The following DOCK10 variants were observed in gnomAD, a reference collection of about 807,000 sequenced individuals.
The protein encoded by DOCK10 is dedicator of cytokinesis 10, also known as dedicator of cytokinesis protein 10.
A neutral mutation model predicts 280.1 loss-of-function variants in DOCK10; 145 were observed. That is an observed-to-expected ratio of 0.52 (90% CI 0.45 to 0.59). The LOEUF is 0.59. Ranked by LOEUF, DOCK10 falls within the 20% of genes least tolerant of loss-of-function variation. The probability of loss-of-function intolerance (pLI) is 0.00; values close to 1 mark genes in which losing one functional copy is unlikely to be tolerated. For missense variants in DOCK10, 2,368 were observed against 2,651.7 expected, an observed-to-expected ratio of 0.89 and a Z score of 2.35; for synonymous variants, 915 against 942.2, an observed-to-expected ratio of 0.97 and a Z score of 0.53.
At chr2:224,999,250 C>CTCT (rs1706358944) in intron 1 of DOCK10, among the ~76,000 whole-genome samples, 1 of 117,390 alleles carries the variant, frequency 8.5e-6, no homozygotes, top group African/African-American at 4.8e-5. Context: ...GTCTCTCTCT[C>CTCT]TTTTTTTTTT....
intron 11 of DOCK10, among the ~76,000 whole-genome samples, chr2:224,866,762 C>A (rs936333339): frequency 1.3e-5 from 2 of 152,040 alleles, no homozygotes; most frequent in African/African-American, 4.8e-5. Flanking sequence ...CTGTTTTACT[C>A]AATGGGTTTT....
intron 15 of DOCK10, among the ~76,000 whole-genome samples, chr2:224,856,492 C>T (rs564045651): frequency 2.0e-5 from 3 of 152,094 alleles, no homozygotes; most frequent in Non-Finnish European, 4.4e-5. Context: ...ATCCTCTGAC[C>T]CCAGCTGATC....
At chr2:225,001,779 C>T (rs992276275) in intron 1 of DOCK10, among the ~76,000 whole-genome samples, 9 of 152,186 alleles carry the variant, frequency 5.9e-5, no homozygotes, top group Non-Finnish European at 1.2e-4. Context: ...TCTGTGAGGG[C>T]CTGCCTCCTG....
intron 1 of DOCK10, among the ~76,000 whole-genome samples, chr2:225,018,540 TTATATATATATAATATATATGTAATATTA>T (rs1689682307): frequency 7.8e-4 from 5 of 6,438 alleles, no homozygotes; most frequent in African/African-American, 2.2e-3. Context: ...ATATGTAATA[TTATATATATATAATATATATGTAATATTA>T]TATATATATA....
intron 1 of DOCK10, among the ~76,000 whole-genome samples, chr2:225,035,542 T>TATTATATATA (rs1415059109): frequency 4.0e-5 from 2 of 50,016 alleles, no homozygotes; most frequent in African/African-American, 1.5e-4. Context: ...ATGATATATA[T>TATTATATATA]TATATATATA....
Position 224,874,297 on chromosome 2 carries a change from A to C in DOCK10, c.1070T>G (p.Leu357Arg). 1 of 1,613,492 alleles carries C rather than the reference A, an allele frequency of 6.2e-7. No individual in the cohort carries two copies. The highest frequency in any genetic ancestry group is 8.5e-7 in the Non-Finnish European group (1 of 1,179,676). The change falls in exon 10 of 56, where the codon CTA becomes CGA. Residue 357 changes from leucine (L) to arginine (R), a missense_variant. Physicochemically the swap from Leu to Arg is moderately radical, Grantham distance 102. Around this residue, in one of 2 missense-constraint regions of DOCK10, gnomAD observed 1,209 missense variants for 1,250.9 expected, o/e 0.97. Transcript: ENST00000258390. ...GTCTGGATCTAGAGAGAACAGATTT[A>C]GCCTCTCCATGTTTCGAGTTGTTTT... ...TVKTTRNMER[L>R]NLFSLDPDID...
At chr2:224,871,350 C>T (rs1438514782) in intron 11 of DOCK10, among the ~76,000 whole-genome samples, 2 of 151,932 alleles carry the variant, frequency 1.3e-5, no homozygotes, top group Admixed American at 6.6e-5. Flanking sequence ...ATATCCAATA[C>T]ATTAGGAAAG....
intron 1 of DOCK10, among the ~76,000 whole-genome samples, chr2:225,025,231 C>T (rs568255506): frequency 6.6e-5 from 10 of 152,186 alleles, no homozygotes; most frequent in African/African-American, 2.4e-4. Context: ...GTCCTGTAGG[C>T]AGGAGAAAGA....
chr2:224,789,204 T>C, intron 47 of DOCK10, 34 bp from the exon 48 acceptor site: 9 of 1,465,326 alleles, frequency 6.1e-6, no homozygotes, highest in Admixed American at 1.8e-5. Context: ...AACATTATTA[T>C]TTGAGACAAA....
intron 14 of DOCK10, chr2:224,861,672 T>A (rs990068749): frequency 6.6e-6 from 1 of 152,210 alleles, no homozygotes; most frequent in Non-Finnish European, 1.5e-5. Flanking sequence ...CTCTCTTCCT[T>A]CTGGATGCTA....
intron 1 of DOCK10, among the ~76,000 whole-genome samples, chr2:225,041,912 T>C (rs560194232): frequency 8.3e-4 from 126 of 152,272 alleles, no homozygotes; most frequent in Non-Finnish European, 1.7e-3. Flanking sequence ...CTGGCACTCG[T>C]ATCACTTAGC....
chr2:225,001,390 C>T lies in DOCK10; in HGVS notation c.123+40862G>A, dbSNP rs182354822. 5.2e-3 allele frequency among the ~76,000 whole-genome samples: 766 copies of T among 147,992 alleles called. 5 individuals carry two copies. The highest frequency in any genetic ancestry group is 0.019 in the African/African-American group (731 of 38,746). On this transcript the variant is annotated intron_variant, in intron 1 of 55. Transcript: ENST00000258390. Reference sequence around the variant, plus strand: ...CTGCAAGCTCCGCCTCCCGGGTTTACGCCATTCTCCTGCCTCAGCCTCCCA... The same window carrying T: ...CTGCAAGCTCCGCCTCCCGGGTTTATGCCATTCTCCTGCCTCAGCCTCCCA...
intron 1 of DOCK10, among the ~76,000 whole-genome samples, chr2:225,025,243 C>A (rs1437728498): frequency 6.6e-6 from 1 of 152,016 alleles, no homozygotes; most frequent in African/African-American, 2.4e-5. Flanking sequence ...GGAGAAAGAC[C>A]AAATTAAAGG....
At chr2:224,943,054 T>A (rs1340365042) in intron 1 of DOCK10, among the ~76,000 whole-genome samples, 1 of 151,954 alleles carries the variant, frequency 6.6e-6, no homozygotes, top group Non-Finnish European at 1.5e-5. Flanking sequence ...CTGAAGAATT[T>A]TAGTTAAAAA....
intron 7 of DOCK10, among the ~76,000 whole-genome samples, chr2:224,885,060 C>CA (rs1699197993): frequency 1.3e-5 from 2 of 152,162 alleles, no homozygotes; most frequent in Admixed American, 1.3e-4. Flanking sequence ...AGTGCAGTGG[C>CA]ACGATCTCGG....
chr2:224,920,317 G>C (rs911156801), intron 2 of DOCK10, among the ~76,000 whole-genome samples: 6 of 147,782 alleles, frequency 4.1e-5, no homozygotes, highest in African/African-American at 1.5e-4. Flanking sequence ...CAAGTGATCT[G>C]CCTGTCTCGG....
chr2:224,868,879 T>C (rs1698092196), intron 11 of DOCK10, among the ~76,000 whole-genome samples: 1 of 152,126 alleles, frequency 6.6e-6, no homozygotes. Flanking sequence ...CAAAACACAT[T>C]GAAGGTCAAA....
intron 1 of DOCK10, among the ~76,000 whole-genome samples, chr2:224,967,825 A>T (rs1559888720): frequency 6.6e-6 from 1 of 152,154 alleles, no homozygotes. Flanking sequence ...GTTTTAAAAA[A>T]ATGACCTCAA....
At chr2:224,954,125 G>A (rs1703915965) in intron 1 of DOCK10, among the ~76,000 whole-genome samples, 2 of 152,212 alleles carry the variant, frequency 1.3e-5, no homozygotes, top group Admixed American at 1.3e-4. Flanking sequence ...CAATAGGTTA[G>A]AAGGTGAAAA....
Sources: allele counts gnomAD v4.1 joint callset (sites outside exome capture counted in the v4.1 genomes callset), GRCh38; gene constraint gnomAD v4.1.1; regional missense constraint gnomAD v4.1.1; transcripts MANE v1.5; gene names NCBI Gene and HGNC (gene_info 2026-07-23, HGNC 2026-07-21).